FRMD4A: variants seen among roughly 807,000 people sequenced by gnomAD.
The protein encoded by FRMD4A is FERM domain-containing protein 4A.
A neutral mutation model predicts 129.1 loss-of-function variants in FRMD4A; 29 were observed. The observed-to-expected ratio is 0.22, with a 90% CI of 0.17 to 0.31. The LOEUF (loss-of-function observed/expected upper bound fraction) is 0.31, where lower values mean the gene tolerates loss of function less well. Among genes scored for constraint, FRMD4A ranks in the 10% least tolerant of loss-of-function variants. The probability of loss-of-function intolerance (pLI) is 1.00; values close to 1 mark genes in which losing one functional copy is unlikely to be tolerated. For synonymous variants in FRMD4A, 634 were observed against 571.6 expected (o/e 1.11, Z -1.56); for missense variants, 1,272 against 1,375.8 (o/e 0.92, Z 1.19).
chr10:14,241,472 G>A (rs1351214948), intron 2 of FRMD4A, among the ~76,000 whole-genome samples: 1 of 152,044 alleles, frequency 6.6e-6, no homozygotes, highest in Non-Finnish European at 1.5e-5. Flanking sequence ...CATTTGGCAT[G>A]AAAGAGGTGT....
intron 2 of FRMD4A, among the ~76,000 whole-genome samples, chr10:14,321,194 T>G (rs928804120): frequency 1.3e-5 from 2 of 152,072 alleles, no homozygotes; most frequent in Non-Finnish European, 2.9e-5. Context: ...GTTAAATGAA[T>G]GGATGAATGA....
At chr10:14,260,906 T>C (rs952882312) in intron 2 of FRMD4A, among the ~76,000 whole-genome samples, 2 of 152,162 alleles carry the variant, frequency 1.3e-5, no homozygotes, top group African/African-American at 4.8e-5. Context: ...ACACCTGGGG[T>C]CAGGCTTGGC....
intron 15 of FRMD4A, 108 bp downstream of exon 15, chr10:13,693,790 G>C: frequency 8.5e-7 from 1 of 1,175,288 alleles, no homozygotes; most frequent in Non-Finnish European, 1.2e-6. Context: ...CAGCTTTGGA[G>C]CAGCTTGCCC....
chr10:14,329,601 C>T (rs1432366868), intron 2 of FRMD4A, among the ~76,000 whole-genome samples: 2 of 152,176 alleles, frequency 1.3e-5, no homozygotes, highest in East Asian at 3.9e-4. Context: ...ACCACCTCTA[C>T]AGGAAAGTAT....
intron 2 of FRMD4A, among the ~76,000 whole-genome samples, chr10:13,903,676 A>T (rs1041953454): frequency 6.6e-6 from 1 of 152,130 alleles, no homozygotes; most frequent in Non-Finnish European, 1.5e-5. Context: ...GTTTGAGACC[A>T]GCCTGGGCAA....
chr10:13,747,727 G>C lies in FRMD4A; in HGVS notation c.548+9C>G, dbSNP rs1414343827. The stretch of plus-strand genomic sequence containing the variant: ...GACTCGCTCCTGGGGAAGACTCCAG[G>C]GGTCTTACCAGTAGGCCAGGGAAGG... On this transcript the variant is annotated intron_variant, in intron 9 of 24. Coordinates refer to ENST00000357447, the MANE Select transcript of FRMD4A (RefSeq NM_018027.5). 1 of 1,499,662 alleles carries C rather than the reference G, an allele frequency of 6.7e-7. No individual in the cohort carries two copies. The highest frequency in any genetic ancestry group is 9.3e-7 in the Non-Finnish European group (1 of 1,075,910). 92.9% of individuals were successfully genotyped at this position (1,499,662 alleles called of 1,614,324 possible). A position where few individuals can be genotyped will look rare whatever the true frequency, so the allele number is the denominator to read the frequency against.
chr10:13,893,445 G>A (rs893880976), intron 2 of FRMD4A, among the ~76,000 whole-genome samples: 2 of 152,138 alleles, frequency 1.3e-5, no homozygotes, highest in Non-Finnish European at 2.9e-5. Flanking sequence ...TTCTTTGCAC[G>A]CAGACTAGTT....
chr10:14,242,093 C>T lies in FRMD4A; in HGVS notation c.45+87965G>A, dbSNP rs370355421. ...TACTCGAGGTACTTGTACCTATTGT[C>T]TCAAGCTAAGTACACCAGGCTTGAG... On this transcript the variant is annotated intron_variant, in intron 2 of 24. Coordinates refer to ENST00000357447, the MANE Select transcript of FRMD4A (RefSeq NM_018027.5). Among the ~76,000 whole-genome samples the T allele has an allele frequency of 2.0e-5, 3 of 152,290 alleles. No homozygotes were observed. In the South Asian group the frequency reaches 6.2e-4, roughly 32 times the overall value.
Position 13,657,580 on chromosome 10 carries a change from C to T in FRMD4A, c.2067-58G>A, listed in dbSNP as rs556707964. The T allele has an allele frequency of 7.4e-5, 109 of 1,467,496 alleles. No homozygotes were observed. In the African/African-American group the frequency reaches 1.3e-3, roughly 17 times the overall value. The allele number at this position is 1,467,496 out of a possible 1,614,324, so 90.9% of individuals were successfully genotyped here. The stretch of plus-strand genomic sequence containing the variant: ...TGGGGAGTGGGCCCAAGGAGGGGTG[C>T]TCCGGGGAGGAGGGGGTCCTGAGGA... On this transcript the variant is annotated intron_variant, in intron 21 of 24. Coordinates refer to ENST00000357447, the MANE Select transcript of FRMD4A (RefSeq NM_018027.5).
At chr10:13,842,058 A>G (rs11593842) in intron 3 of FRMD4A, among the ~76,000 whole-genome samples, 80,573 of 152,036 alleles carry the variant, frequency 0.53, 21,320 homozygotes, top group East Asian at 0.58. Context: ...TCCTCTCACA[A>G]CAGGGCTTTG....
At chr10:14,009,126 G>T (rs2095672334) in intron 2 of FRMD4A, among the ~76,000 whole-genome samples, 1 of 152,202 alleles carries the variant, frequency 6.6e-6, no homozygotes, top group African/African-American at 2.4e-5. Context: ...ATCATATTGT[G>T]TAATTTCAGA....
At chr10:13,839,596 A>G (rs1048792627) in intron 3 of FRMD4A, among the ~76,000 whole-genome samples, 4 of 152,160 alleles carry the variant, frequency 2.6e-5, no homozygotes, top group African/African-American at 7.2e-5. Context: ...CTTGTACAAC[A>G]CTGAGAGCTT....
At chr10:13,679,426 CAAAAAAAAAAAAAAAA>C (rs1184269199) in intron 15 of FRMD4A, among the ~76,000 whole-genome samples, 22 of 8,592 alleles carry the variant, frequency 2.6e-3, no homozygotes, top group African/African-American at 8.9e-3. Context: ...GACTCTGTCT[CAAAAAAAAAAAAAAAA>C]AAAAAAAAAA....
chr10:13,811,135 G>A (rs1013402900), intron 3 of FRMD4A, among the ~76,000 whole-genome samples: 2 of 150,720 alleles, frequency 1.3e-5, no homozygotes, highest in African/African-American at 2.5e-5. Context: ...TTCCTAGAAG[G>A]GTTTTTTTTT....
chr10:14,012,097 T>C (rs963725323), intron 2 of FRMD4A, among the ~76,000 whole-genome samples: 2 of 149,492 alleles, frequency 1.3e-5, no homozygotes, highest in Non-Finnish European at 3.0e-5. Context: ...GTCAGGATAG[T>C]GGATGACACG....
chr10:13,888,352 G>T (rs2094650921), intron 2 of FRMD4A, among the ~76,000 whole-genome samples: 1 of 152,128 alleles, frequency 6.6e-6, no homozygotes, highest in African/African-American at 2.4e-5. Context: ...TTACATCAAT[G>T]CCTAACTTTT....
At chr10:13,678,315 C>T (rs1173088016) in intron 15 of FRMD4A, among the ~76,000 whole-genome samples, 2 of 152,122 alleles carry the variant, frequency 1.3e-5, no homozygotes, top group East Asian at 1.9e-4. Context: ...TACTTCAGGG[C>T]GAAGATGGTG....
chr10:13,833,425 C>T (rs1332706997), intron 3 of FRMD4A, among the ~76,000 whole-genome samples: 1 of 152,150 alleles, frequency 6.6e-6, no homozygotes, highest in Non-Finnish European at 1.5e-5. Flanking sequence ...CTGTCCTTGA[C>T]ACATGGGAAT....
intron 2 of FRMD4A, among the ~76,000 whole-genome samples, chr10:13,964,383 G>A (rs554918589): frequency 6.6e-6 from 1 of 150,822 alleles, no homozygotes; most frequent in Non-Finnish European, 1.5e-5. Flanking sequence ...GCAATTTATG[G>A]TAAGTCAGTA....
Sources: gnomAD v4.1 joint callset for allele counts (sites outside exome capture counted in the v4.1 genomes callset) on GRCh38, gnomAD v4.1.1 for gene constraint, MANE v1.5 for transcripts, NCBI Gene and HGNC (gene_info 2026-07-23, HGNC 2026-07-21) for gene names.